PCNX1: variants seen among roughly 807,000 people sequenced by gnomAD.
The protein encoded by PCNX1 is pecanex-like protein 1.
In PCNX1, 78 loss-of-function variants were observed where a neutral mutation model predicts 242.2. The observed-to-expected ratio is 0.32, with a 90% CI of 0.27 to 0.39. The LOEUF (loss-of-function observed/expected upper bound fraction) is 0.39. Among genes scored for constraint, PCNX1 ranks in the 10% least tolerant of loss-of-function variants. PCNX1 has a pLI of 1.00. For synonymous variants in PCNX1, 1,024 were observed against 1,032.9 expected, an observed-to-expected ratio of 0.99 and a Z score of 0.17; for missense variants, 2,581 against 2,856.5, an observed-to-expected ratio of 0.90 and a Z score of 2.20.
chr14:70,999,469 A>G (rs2059442751), intron 8 of PCNX1, among the ~76,000 whole-genome samples: 1 of 152,176 alleles, frequency 6.6e-6, no homozygotes, highest in African/African-American at 2.4e-5. Flanking sequence ...TGAGGACAAG[A>G]GTTCTATATT....
chr14:71,019,076 A>T lies in PCNX1; in HGVS notation c.3064A>T (p.Ile1022Phe). Residue 1022 changes from isoleucine (I) to phenylalanine (F), a missense_variant, in exon 12 of 36, where the codon ATT (isoleucine) becomes TTT (phenylalanine). Coordinates refer to ENST00000304743, the MANE Select transcript of PCNX1 (RefSeq NM_014982.3). ...LAILVAFLGS[I>F]LLIQGFFRDI... ...TATTCTCGTGGCCTTTTTGGGATCT[A>T]TTCTTCTCATACAAGGATTCTTCAG... 1 of 1,613,354 alleles carries T rather than the reference A, an allele frequency of 6.2e-7. No individual in the cohort carries two copies. The highest frequency in any genetic ancestry group is 8.5e-7 in the Non-Finnish European group (1 of 1,179,596).
chr14:71,081,115 T>C (rs1314697845), intron 28 of PCNX1, among the ~76,000 whole-genome samples: 1 of 150,496 alleles, frequency 6.6e-6, no homozygotes, highest in Non-Finnish European at 1.5e-5. Flanking sequence ...TTTCTGCATC[T>C]ATTGAGATAA....
intron 1 of PCNX1, among the ~76,000 whole-genome samples, chr14:70,941,832 G>A (rs764838112): frequency 1.4e-4 from 21 of 152,166 alleles, no homozygotes; most frequent in East Asian, 1.3e-3. Flanking sequence ...CAGCAATGGC[G>A]GACGCCCCTC....
intron 26 of PCNX1, among the ~76,000 whole-genome samples, chr14:71,060,052 T>C (rs1348679855): frequency 6.6e-6 from 1 of 152,178 alleles, no homozygotes; most frequent in Non-Finnish European, 1.5e-5. Flanking sequence ...CTATCCCACG[T>C]GATTATCTCA....
In PCNX1 at chr14:70,907,808, A is replaced by ACGGCGGCGG. The variant is rs749537800; in HGVS notation, c.-31_-23dup. The ACGGCGGCGG allele has an allele frequency of 3.4e-5, 41 of 1,216,814 alleles. No individual in the cohort carries two copies. The highest frequency in any genetic ancestry group is 3.8e-5 in the South Asian group (1 of 26,534). 75.4% of individuals were successfully genotyped at this position (1,216,814 alleles called of 1,614,324 possible). A position where few individuals can be genotyped will look rare whatever the true frequency, so the allele number is the denominator to read the frequency against. On this transcript the variant is annotated 5_prime_UTR_variant, in exon 1 of 36. Transcript: ENST00000304743. ...AGGCCGAGCTGGGGCCGGGGCGGGG[A>ACGGCGGCGG]CGGCGGCGGCGGCGGCGGCGACGGC...
At chr14:70,951,701 C>T (rs893924072) in intron 2 of PCNX1, among the ~76,000 whole-genome samples, 3 of 152,086 alleles carry the variant, frequency 2.0e-5, no homozygotes, top group Non-Finnish European at 4.4e-5. Flanking sequence ...TGATTATTCT[C>T]ATGCATATAC....
chr14:71,040,170 A>G (rs2060664223), intron 19 of PCNX1, among the ~76,000 whole-genome samples: 1 of 152,094 alleles, frequency 6.6e-6, no homozygotes, highest in South Asian at 2.1e-4. Context: ...TGTAGTGAAA[A>G]TCTGCAACTT....
At chr14:71,021,829 G>A (rs2060109895) in intron 12 of PCNX1, among the ~76,000 whole-genome samples, 1 of 151,202 alleles carries the variant, frequency 6.6e-6, no homozygotes, top group Non-Finnish European at 1.5e-5. Flanking sequence ...TTCCTTTGTT[G>A]ATCCCTCTTT....
chr14:71,003,569 G>A (rs1410512223), intron 8 of PCNX1, among the ~76,000 whole-genome samples: 1 of 152,132 alleles, frequency 6.6e-6, no homozygotes, highest in East Asian at 1.9e-4. Context: ...CAAGTAAGAA[G>A]AACTTGTCTT....
chr14:70,944,234 A>G (rs992645768), intron 1 of PCNX1, among the ~76,000 whole-genome samples: 2 of 152,202 alleles, frequency 1.3e-5, no homozygotes, highest in Non-Finnish European at 2.9e-5. Context: ...GTGCAAGCCC[A>G]TGTGCCAGCC....
intron 1 of PCNX1, among the ~76,000 whole-genome samples, chr14:70,909,089 A>G (rs529433198): frequency 3.2e-4 from 48 of 152,208 alleles, no homozygotes; most frequent in Non-Finnish European, 5.6e-4. Flanking sequence ...GCTGAGTTAG[A>G]AAATCCCGGA....
Position 71,109,879 on chromosome 14 carries a change from G to A in PCNX1, c.6970G>A (p.Asp2324Asn), listed in dbSNP as rs1476860172. ...DKAVLLVQID[D>N]KYVTVIETGV... ...GGCAGTGCTTCTGGTCCAGATTGAT[G>A]ATAAATATGTGACTGTAATTGAAAC... The change falls in exon 36 of 36, where the codon GAT (aspartate) becomes AAT (asparagine). Residue 2324 changes from aspartate (D) to asparagine (N), a missense_variant. Asp to Asn is a conservative substitution (Grantham distance 23). This residue lies in a region of PCNX1 where 432 missense variants were observed against 433.6 expected (regional missense o/e 1.00). Coordinates refer to ENST00000304743, the MANE Select transcript of PCNX1 (RefSeq NM_014982.3). The A allele has an allele frequency of 9.9e-6, 16 of 1,613,088 alleles. No individual in the cohort carries two copies. Among genetic ancestry groups the A allele is most frequent in the Non-Finnish European group, 1.3e-5 (15 of 1,179,230 alleles).
In PCNX1 at chr14:70,978,288, GA is replaced by G; in HGVS notation, c.1954del (p.Arg652GlyfsTer40). 1 of 1,614,122 alleles carries G rather than the reference GA, an allele frequency of 6.2e-7. No homozygotes were observed. Among genetic ancestry groups the G allele is most frequent in the Non-Finnish European group, 8.5e-7 (1 of 1,180,012 alleles). On this transcript the variant is annotated frameshift_variant, in exon 6 of 36. Coordinates refer to ENST00000304743, the MANE Select transcript of PCNX1 (RefSeq NM_014982.3). LOFTEE classifies it high-confidence loss of function. ...SALKTKHTHK[E>X]RGTDSEHTHK... is the part of the protein sequence containing the mutation. ...TCTAAAGACCAAACACACTCATAAA[GA>G]AAGGGGCACAGACTCTGAACACACA... is the stretch of plus-strand genomic sequence containing the variant.
At chr14:71,075,934 C>G (rs766800657) in intron 27 of PCNX1, among the ~76,000 whole-genome samples, 1 of 151,568 alleles carries the variant, frequency 6.6e-6, no homozygotes, top group Non-Finnish European at 1.5e-5. Context: ...TTTGAAGTTG[C>G]TTTGTTGAAT....
chr14:70,956,077 G>A (rs1433442926), intron 2 of PCNX1, among the ~76,000 whole-genome samples: 1 of 152,034 alleles, frequency 6.6e-6, no homozygotes, highest in Non-Finnish European at 1.5e-5. Flanking sequence ...CATCTAGTGG[G>A]TAAAGGCCAG....
At chr14:70,919,232 T>A (rs2140072236) in intron 1 of PCNX1, among the ~76,000 whole-genome samples, 1 of 152,346 alleles carries the variant, frequency 6.6e-6, no homozygotes, top group South Asian at 2.1e-4. Flanking sequence ...AGTAATATTT[T>A]GTCCTTGACA....
chr14:71,105,476 T>C, intron 33 of PCNX1, 36 bp downstream of exon 33: 6 of 1,485,594 alleles, frequency 4.0e-6, no homozygotes, highest in South Asian at 1.1e-5. Flanking sequence ...TAATGTTAGC[T>C]TCTTAGCCAT....
intron 28 of PCNX1, among the ~76,000 whole-genome samples, chr14:71,082,731 C>G (rs2061887499): frequency 6.6e-6 from 1 of 152,004 alleles, no homozygotes; most frequent in Non-Finnish European, 1.5e-5. Flanking sequence ...TTATTTTGAG[C>G]CTATGTGTGT....
chr14:70,910,954 A>G (rs896476259), intron 1 of PCNX1, among the ~76,000 whole-genome samples: 5 of 152,216 alleles, frequency 3.3e-5, no homozygotes, highest in Non-Finnish European at 7.3e-5. Flanking sequence ...TAGTCAGGGG[A>G]TGAACCCTAG....
Sources: allele counts gnomAD v4.1 joint callset (sites outside exome capture counted in the v4.1 genomes callset), GRCh38; gene constraint gnomAD v4.1.1; regional missense constraint gnomAD v4.1.1; transcripts MANE v1.5; gene names NCBI Gene and HGNC (gene_info 2026-07-23, HGNC 2026-07-21).